Variants in DISC1 observed in about 807,000 individuals in gnomAD.
DISC1 encodes DISC1 scaffold protein.
A neutral mutation model predicts 84.5 loss-of-function variants in DISC1; 57 were observed. The ratio of observed to expected loss-of-function variants is 0.67; its 90% CI spans 0.55 to 0.84. DISC1 has a LOEUF of 0.84. Ranked by LOEUF, DISC1 falls within the 40% of genes least tolerant of loss-of-function variation. DISC1 has a pLI of 0.00. For missense variants in DISC1, 1,000 were observed against 1,057.8 expected (o/e 0.95, Z 0.76); for synonymous variants, 411 against 415.2 (o/e 0.99, Z 0.12).
intron 11 of DISC1, among the ~76,000 whole-genome samples, chr1:232,015,193 A>G (rs1036588494): frequency 2.0e-5 from 3 of 152,076 alleles, no homozygotes; most frequent in African/African-American, 4.8e-5. Context: ...TCACCTGCCC[A>G]AGGGAAGGAA....
chr1:231,818,971 C>T, intron 9 of DISC1: 5 of 999,932 alleles, frequency 5.0e-6, no homozygotes, highest in Non-Finnish European at 2.4e-6. Flanking sequence ...GCTTCTTTCC[C>T]CAGGAAGGAT....
intron 11 of DISC1, among the ~76,000 whole-genome samples, chr1:232,017,661 G>T (rs1668609083): frequency 6.6e-6 from 1 of 152,060 alleles, no homozygotes; most frequent in Admixed American, 6.6e-5. Context: ...TATCCAAGGT[G>T]GAGGTTCATG....
chr1:231,691,363 G>A (rs2064987804), intron 1 of DISC1, among the ~76,000 whole-genome samples: 1 of 151,988 alleles, frequency 6.6e-6, no homozygotes, highest in African/African-American at 2.4e-5. Context: ...CCTGGGAGGT[G>A]GAGGTTGCAG....
At chr1:231,642,023 G>T (rs1458944401) in intron 1 of DISC1, among the ~76,000 whole-genome samples, 1 of 152,150 alleles carries the variant, frequency 6.6e-6, no homozygotes, top group East Asian at 1.9e-4. Context: ...GGGGAGGCTC[G>T]GGCTGCACAG....
chr1:231,652,615 C>T (rs541299771), intron 1 of DISC1, among the ~76,000 whole-genome samples: 5 of 152,164 alleles, frequency 3.3e-5, no homozygotes, highest in African/African-American at 1.2e-4. Flanking sequence ...ATATTCCTCA[C>T]TGTTAATGAT....
At chr1:231,844,926 CAAAA>C (rs1175955587) in intron 9 of DISC1, among the ~76,000 whole-genome samples, 4 of 68,794 alleles carry the variant, frequency 5.8e-5, no homozygotes, top group East Asian at 5.1e-4. Flanking sequence ...GACTCTGACT[CAAAA>C]AAAAAAAAAA....
In DISC1 at chr1:231,782,717, C is replaced by G. The variant is rs1278044513; in HGVS notation, c.1634+11647C>G. Among the ~76,000 whole-genome samples, 5 of 152,018 alleles carry G rather than the reference C, an allele frequency of 3.3e-5. No individual in the cohort carries two copies. The East Asian group carries it at 9.6e-4, about 29-fold the overall frequency. On this transcript the variant is annotated intron_variant, in intron 6 of 12. Transcript: ENST00000439617. ...CTTTGGGAGGCCGAGGTGGGAGGAT[C>G]ACTTGAGGTCAGGCGTTTCAGAGCA... is the stretch of plus-strand genomic sequence containing the variant.
chr1:231,680,143 G>C (rs777124055), intron 1 of DISC1, among the ~76,000 whole-genome samples: 46 of 152,158 alleles, frequency 3.0e-4, no homozygotes, highest in Admixed American at 2.0e-4. Context: ...CAGGAGAATT[G>C]CTTGAACACA....
intron 1 of DISC1, among the ~76,000 whole-genome samples, chr1:231,666,978 G>A (rs936908223): frequency 2.6e-5 from 4 of 152,154 alleles, no homozygotes; most frequent in African/African-American, 9.7e-5. Context: ...GTATTTCCAG[G>A]CGAATATTCA....
chr1:231,834,800 C>T (rs12409853), intron 9 of DISC1, among the ~76,000 whole-genome samples: 15 of 151,916 alleles, frequency 9.9e-5, no homozygotes, highest in East Asian at 5.9e-4. Flanking sequence ...TTGCCACTAA[C>T]GGTGAAGGAC....
intron 9 of DISC1, among the ~76,000 whole-genome samples, chr1:231,911,466 T>C (rs2089198064): frequency 6.6e-6 from 1 of 152,212 alleles, no homozygotes. Flanking sequence ...AAATTCTGGG[T>C]TGAAAATTCT....
intron 9 of DISC1, among the ~76,000 whole-genome samples, chr1:231,834,911 C>T (rs2082518936): frequency 1.3e-5 from 2 of 152,138 alleles, no homozygotes; most frequent in South Asian, 2.1e-4. Flanking sequence ...ACTGTCTTCC[C>T]GAGTCCGTGA....
At chr1:231,896,508 G>A (rs1487644325) in intron 9 of DISC1, among the ~76,000 whole-genome samples, 1 of 152,004 alleles carries the variant, frequency 6.6e-6, no homozygotes, top group African/African-American at 2.4e-5. Context: ...GCTTTTCACT[G>A]TTCTCCCTTC....
In DISC1 at chr1:231,921,808, C is replaced by CTTT. The variant is rs11288115; in HGVS notation, c.1982-37003_1982-37001dup. On this transcript the variant is annotated intron_variant, in intron 9 of 12. Transcript: ENST00000439617. ...ACATGTCTATCACCTCACTAGTTAC[C>CTTT]TTTTTTTTTTTTTTTTTTTGGAGTG... 2.4e-4 allele frequency among the ~76,000 whole-genome samples: 29 copies of CTTT among 120,198 alleles called. 1 individual carries two copies. Among genetic ancestry groups the CTTT allele is most frequent in the Admixed American group, 2.8e-4 (3 of 10,900 alleles). 78.9% of individuals were successfully genotyped at this position (120,198 alleles called of 152,430 possible). A position where few individuals can be genotyped will look rare whatever the true frequency, so the allele number is the denominator to read the frequency against.
At chr1:231,960,310 A>G (rs1374016620) in intron 10 of DISC1, among the ~76,000 whole-genome samples, 1 of 152,066 alleles carries the variant, frequency 6.6e-6, no homozygotes, top group African/African-American at 2.4e-5. Context: ...CTGTAGTGCA[A>G]TGGCGCTATC....
intron 6 of DISC1, among the ~76,000 whole-genome samples, chr1:231,773,475 C>T (rs915862563): frequency 6.6e-6 from 1 of 152,186 alleles, no homozygotes; most frequent in Non-Finnish European, 1.5e-5. Flanking sequence ...ACCTCCGCCT[C>T]CCAGGTTCAA....
chr1:231,634,409 G>A (rs2059014647), intron 1 of DISC1, among the ~76,000 whole-genome samples: 1 of 152,162 alleles, frequency 6.6e-6, no homozygotes, highest in African/African-American at 2.4e-5. Context: ...AGAGTTGCAA[G>A]AGCTGTTTTG....
chr1:231,872,082 A>C (rs2125956228), intron 9 of DISC1, among the ~76,000 whole-genome samples: 1 of 152,352 alleles, frequency 6.6e-6, no homozygotes, highest in Admixed American at 6.5e-5. Flanking sequence ...GGAAGCCTTC[A>C]GTCGGTGAAC....
chr1:231,675,593 A>G lies in DISC1; in HGVS notation c.68-18233A>G, dbSNP rs999866253. 7.9e-5 allele frequency among the ~76,000 whole-genome samples: 12 copies of G among 152,170 alleles called. No homozygotes were observed. The highest frequency in any genetic ancestry group is 1.6e-4 in the Non-Finnish European group (11 of 68,018). ...CTCAAGGTGGCTGAGAGACCCTAGA[A>G]GGTACCAGTGTACCACTGGGCCGCA... On this transcript the variant is annotated intron_variant, in intron 1 of 12. Transcript: ENST00000439617. The surrounding 1 kb of genome is among the most constrained non-coding windows in gnomAD (Gnocchi z 4.1).
Sources: allele counts gnomAD v4.1 joint callset (sites outside exome capture counted in the v4.1 genomes callset), GRCh38; gene constraint gnomAD v4.1.1; non-coding constraint Gnocchi (gnomAD v3.1); transcripts MANE v1.5; gene names NCBI Gene and HGNC (gene_info 2026-07-23, HGNC 2026-07-21).